The following MCTP1 variants were observed in gnomAD, a reference collection of about 807,000 sequenced individuals.
MCTP1 encodes the protein multiple C2 and transmembrane domain-containing protein 1.
A neutral mutation model predicts 120.6 loss-of-function variants in MCTP1; 69 were observed. The ratio of observed to expected loss-of-function variants is 0.57; its 90% CI spans 0.47 to 0.70. The LOEUF is 0.70. Ranked by LOEUF, MCTP1 falls within the 30% of genes least tolerant of loss-of-function variation. The pLI is 0.00. For synonymous variants in MCTP1, 529 were observed against 493.1 expected, an observed-to-expected ratio of 1.07 and a Z score of -0.96; for missense variants, 1,203 against 1,248.8, an observed-to-expected ratio of 0.96 and a Z score of 0.55.
chr5:95,091,635 G>A (rs1238885127), intron 1 of MCTP1, among the ~76,000 whole-genome samples: 1 of 152,210 alleles, frequency 6.6e-6, no homozygotes, highest in Non-Finnish European at 1.5e-5. Flanking sequence ...AGAGGGAGGA[G>A]TCTGGACAGT....
intron 19 of MCTP1, among the ~76,000 whole-genome samples, chr5:94,751,025 G>A (rs1337190042): frequency 6.6e-6 from 1 of 152,166 alleles, no homozygotes; most frequent in Non-Finnish European, 1.5e-5. Flanking sequence ...CCCTGCAACT[G>A]ACCCAACAGT....
chr5:95,206,835 C>A (rs577093139), intron 1 of MCTP1, among the ~76,000 whole-genome samples: 1 of 152,242 alleles, frequency 6.6e-6, no homozygotes, highest in African/African-American at 2.4e-5. Flanking sequence ...CATGCCTGTC[C>A]ATTTTATAGA....
At chr5:94,848,882 G>C in intron 17 of MCTP1, among the ~76,000 whole-genome samples, 1 of 151,828 alleles carries the variant, frequency 6.6e-6, no homozygotes, top group Middle Eastern at 3.4e-3. Context: ...TTATCCCACT[G>C]TTCAAGAAAT....
rs571384875 is a variant in MCTP1 at position 95,038,566 on chromosome 5, G to C, written c.721-21082C>G. ...TTCCTTCAACAGAGTTCAGTGGATG[G>C]AGAGGGAAAGAGTAACCAGAGAAAC... is the stretch of plus-strand genomic sequence containing the variant. On this transcript the variant is annotated intron_variant, in intron 1 of 22. Transcript: ENST00000515393. Among the ~76,000 whole-genome samples, 3 of 152,280 alleles carry C rather than the reference G, an allele frequency of 2.0e-5. No individual in the cohort carries two copies. In the East Asian group the frequency reaches 5.8e-4, roughly 29 times the overall value.
At chr5:95,172,369 G>A (rs1254141252) in intron 1 of MCTP1, among the ~76,000 whole-genome samples, 2 of 152,234 alleles carry the variant, frequency 1.3e-5, no homozygotes, top group African/African-American at 2.4e-5. Context: ...CCCACTTGAG[G>A]AGGCAGTCTG....
chr5:94,758,812 G>A (rs954428811), intron 19 of MCTP1, among the ~76,000 whole-genome samples: 40 of 152,156 alleles, frequency 2.6e-4, no homozygotes, highest in Middle Eastern at 6.8e-3. Flanking sequence ...AGAAAAGTCT[G>A]CACAATATAA....
At chr5:94,807,088 G>T (rs937661404) in intron 17 of MCTP1, among the ~76,000 whole-genome samples, 1 of 151,772 alleles carries the variant, frequency 6.6e-6, no homozygotes, top group Admixed American at 6.6e-5. Context: ...TTCATCATTC[G>T]ACAATATCTG....
chr5:94,984,224 C>T (rs1830050464), intron 2 of MCTP1, among the ~76,000 whole-genome samples: 1 of 152,188 alleles, frequency 6.6e-6, no homozygotes, highest in Non-Finnish European at 1.5e-5. Flanking sequence ...TCCCTCACTA[C>T]CTTAAATGCT....
rs1760607219 is a variant in MCTP1, at chr5:95,284,558, G to T, written c.18C>A (p.Ala6=). MEPRA[A]AAGEPEPPAA... ...CCGGCGGCTCTGGCTCGCCCGCCGC[G>T]GCAGCCCGGGGCTCCATCCTCCACC... Residue 6 remains alanine, a synonymous_variant, in exon 1 of 23, where the codon GCC becomes GCA. Transcript: ENST00000515393. The surrounding 1 kb of genome is among the most constrained non-coding windows in gnomAD (Gnocchi z 5.2). The T allele has an allele frequency of 2.1e-6, 3 of 1,439,854 alleles. No individual in the cohort carries two copies. The highest frequency in any genetic ancestry group is 2.8e-5 in the Admixed American group (1 of 35,410). The allele number at this position is 1,439,854 out of a possible 1,614,324, so 89.2% of individuals were successfully genotyped here.
At chr5:94,852,630 A>G (rs1793970147) in intron 17 of MCTP1, among the ~76,000 whole-genome samples, 1 of 151,986 alleles carries the variant, frequency 6.6e-6, no homozygotes, top group South Asian at 2.1e-4. Context: ...TGCTCATAGC[A>G]AGGTATTGGG....
intron 1 of MCTP1, among the ~76,000 whole-genome samples, chr5:95,266,045 A>G (rs2152725406): frequency 6.6e-6 from 1 of 152,278 alleles, no homozygotes; most frequent in African/African-American, 2.4e-5. Flanking sequence ...GAAACTCCAA[A>G]TTTGGGTTCC....
chr5:94,837,112 T>C (rs1789970269), intron 17 of MCTP1, among the ~76,000 whole-genome samples: 1 of 152,088 alleles, frequency 6.6e-6, no homozygotes, highest in Non-Finnish European at 1.5e-5. Context: ...GTGCAGTGAC[T>C]CACACCTGTA....
intron 18 of MCTP1, among the ~76,000 whole-genome samples, chr5:94,782,729 T>A (rs77512531): frequency 0.015 from 2,255 of 152,204 alleles, 25 homozygotes; most frequent in Middle Eastern, 0.034. Flanking sequence ...AAGCACTACA[T>A]CGTTTTGTTT....
chr5:95,276,415 A>G (rs528330470), intron 1 of MCTP1, among the ~76,000 whole-genome samples: 2 of 150,746 alleles, frequency 1.3e-5, no homozygotes, highest in African/African-American at 4.9e-5. Flanking sequence ...CCTACTCAAC[A>G]CCCAGCTAAT....
intron 1 of MCTP1, among the ~76,000 whole-genome samples, chr5:95,076,991 A>G (rs1753739240): frequency 6.6e-6 from 1 of 152,100 alleles, no homozygotes; most frequent in South Asian, 2.1e-4. Context: ...TCTTAATACC[A>G]TCTCTGAAAC....
At chr5:95,234,109 A>G (rs1755272872) in intron 1 of MCTP1, among the ~76,000 whole-genome samples, 1 of 152,162 alleles carries the variant, frequency 6.6e-6, no homozygotes, top group Non-Finnish European at 1.5e-5. Flanking sequence ...TTTTGCAGTT[A>G]GGGTTTTCTG....
rs564222626 is a variant in MCTP1, at chr5:95,171,417, T to C, written c.720+112439A>G. Among the ~76,000 whole-genome samples the C allele has an allele frequency of 7.9e-5, 12 of 152,330 alleles. No homozygotes were observed. In the South Asian group the frequency reaches 2.5e-3, roughly 32 times the overall value. On this transcript the variant is annotated intron_variant, in intron 1 of 22. Transcript: ENST00000515393. ...GAGTTGCCCTTCTCAAGGAGTATCT[T>C]TGTGGTGTTTTCTGTATTTCCTGAA...
intron 22 of MCTP1, 86 bp from the exon 23 acceptor site, chr5:94,707,653 T>C: frequency 1.0e-6 from 1 of 954,336 alleles, no homozygotes; most frequent in South Asian, 1.3e-5. Flanking sequence ...GAGACGGTGC[T>C]TGGGGGAAGA....
At chr5:94,952,773 G>A (rs1043786174) in intron 3 of MCTP1, among the ~76,000 whole-genome samples, 4 of 150,882 alleles carry the variant, frequency 2.7e-5, no homozygotes, top group African/African-American at 7.3e-5. Context: ...AATAGAGATA[G>A]GAATTTTTCT....
Sources: allele counts gnomAD v4.1 joint callset (sites outside exome capture counted in the v4.1 genomes callset), GRCh38; gene constraint gnomAD v4.1.1; non-coding constraint Gnocchi (gnomAD v3.1); transcripts MANE v1.5; gene names NCBI Gene and HGNC (gene_info 2026-07-23, HGNC 2026-07-21).